Variants in EPM2A observed in about 807,000 individuals in gnomAD.
The protein encoded by EPM2A is laforin.
Under a neutral mutation model 26.5 loss-of-function variants are expected in EPM2A, and 21 were observed. That is an observed-to-expected ratio of 0.79 (90% CI 0.56 to 1.14). EPM2A has a LOEUF of 1.14. Among genes scored for constraint, EPM2A ranks in the 50% most tolerant of loss-of-function variants. The probability of loss-of-function intolerance (pLI) is 0.00; values close to 1 mark genes in which losing one functional copy is unlikely to be tolerated. For synonymous variants in EPM2A, 217 were observed against 177.6 expected (o/e 1.22, Z -1.76); for missense variants, 458 against 440.8 (o/e 1.04, Z -0.35).
At chr6:145,478,352 C>G (rs993958660) in intron 4 of EPM2A, among the ~76,000 whole-genome samples, 1 of 151,886 alleles carries the variant, frequency 6.6e-6, no homozygotes, top group Non-Finnish European at 1.5e-5. Flanking sequence ...TCCATGCTAT[C>G]CAACACAATC....
intron 1 of EPM2A, among the ~76,000 whole-genome samples, chr6:145,731,165 G>T (rs943917074): frequency 2.6e-5 from 4 of 151,886 alleles, no homozygotes; most frequent in Non-Finnish European, 5.9e-5. Context: ...CAATGATAAC[G>T]ATCTTAAGCC....
At chr6:145,528,419 G>C (rs1253119415) in intron 2 of EPM2A, among the ~76,000 whole-genome samples, 1 of 152,106 alleles carries the variant, frequency 6.6e-6, no homozygotes, top group Non-Finnish European at 1.5e-5. Flanking sequence ...AATGAAGTTG[G>C]TGATTTTGAA....
intron 2 of EPM2A, among the ~76,000 whole-genome samples, chr6:145,599,596 G>A (rs6570699): frequency 0.61 from 92,468 of 151,476 alleles, 30,771 homozygotes; most frequent in African/African-American, 0.9. Flanking sequence ...TAAAAATATT[G>A]GTTATAATTC....
chr6:145,419,727 C>CTAACAGAAAAAATTTTGAGGAGTT (rs1314119658), intron 4 of EPM2A, among the ~76,000 whole-genome samples: 120 of 152,106 alleles, frequency 7.9e-4, no homozygotes, highest in African/African-American at 2.7e-3. Context: ...CATTCAGTGT[C>CTAACAGAAAAAATTTTGAGGAGTT]TAACAGAAAA....
chr6:145,703,256 TA>T, intron 1 of EPM2A, among the ~76,000 whole-genome samples: 1 of 152,186 alleles, frequency 6.6e-6, no homozygotes, highest in South Asian at 2.1e-4. Context: ...CACGCCCAGC[TA>T]ATTTTCTGTA....
chr6:145,732,243 C>T (rs1336173143), intron 1 of EPM2A, among the ~76,000 whole-genome samples: 1 of 85,068 alleles, frequency 1.2e-5, no homozygotes, highest in Admixed American at 1.2e-4. Context: ...GTGTGCGCGC[C>T]AAAGTAAGGA....
chr6:145,622,494 C>A (rs1257063684), downstream of EPM2A, among the ~76,000 whole-genome samples: 1 of 152,130 alleles, frequency 6.6e-6, no homozygotes, highest in Non-Finnish European at 1.5e-5. Flanking sequence ...ATCAGGTGAT[C>A]ACAGATATAA....
chr6:145,470,887 G>A (rs1241728969), intron 4 of EPM2A, among the ~76,000 whole-genome samples: 1 of 152,124 alleles, frequency 6.6e-6, no homozygotes, highest in Non-Finnish European at 1.5e-5. Flanking sequence ...ATGTCTTAAA[G>A]CAATAATTAT....
At chr6:145,436,265 G>A (rs2114696225) in intron 4 of EPM2A, among the ~76,000 whole-genome samples, 1 of 152,294 alleles carries the variant, frequency 6.6e-6, no homozygotes, top group East Asian at 1.9e-4. Context: ...TATTTGGGTT[G>A]CTACTGCTTC....
At chr6:145,428,561 A>G (rs142215937) in intron 4 of EPM2A, among the ~76,000 whole-genome samples, 1 of 152,358 alleles carries the variant, frequency 6.6e-6, no homozygotes, top group East Asian at 1.9e-4. Flanking sequence ...AAAGGATACA[A>G]TTATCCATAT....
intron 1 of EPM2A, among the ~76,000 whole-genome samples, chr6:145,692,278 T>A (rs915425801): frequency 2.0e-5 from 3 of 151,888 alleles, no homozygotes; most frequent in African/African-American, 7.2e-5. Flanking sequence ...GTTTAAGACC[T>A]CAACACCTCA....
intron 4 of EPM2A, among the ~76,000 whole-genome samples, chr6:145,388,181 G>C (rs1778288465): frequency 6.6e-6 from 1 of 152,142 alleles, no homozygotes; most frequent in Non-Finnish European, 1.5e-5. Flanking sequence ...TTGATATACT[G>C]TTCTCTTTAT....
intron 4 of EPM2A, among the ~76,000 whole-genome samples, chr6:145,434,264 C>T (rs6929187): frequency 0.79 from 118,875 of 150,336 alleles, 47,109 homozygotes; most frequent in East Asian, 0.91. Flanking sequence ...ATCTCTCTCT[C>T]TCTTTTTTTT....
intron 1 of EPM2A, among the ~76,000 whole-genome samples, chr6:145,715,405 G>A (rs1038782615): frequency 6.6e-6 from 1 of 152,168 alleles, no homozygotes; most frequent in Admixed American, 6.6e-5. Flanking sequence ...ACAAACACAG[G>A]AAGAACATGC....
At chr6:145,549,462 G>A (rs910490037) in intron 2 of EPM2A, among the ~76,000 whole-genome samples, 1 of 152,186 alleles carries the variant, frequency 6.6e-6, no homozygotes, top group East Asian at 1.9e-4. Context: ...GCCTCTAGAC[G>A]CAAGTAATTG....
chr6:145,669,748 T>C (rs1194287034), intron 2 of EPM2A, among the ~76,000 whole-genome samples: 2 of 152,198 alleles, frequency 1.3e-5, no homozygotes, highest in African/African-American at 2.4e-5. Flanking sequence ...TCTGTATTTG[T>C]TATAAGAAAG....
chr6:145,414,572 A>C (rs1368652429), intron 4 of EPM2A, among the ~76,000 whole-genome samples: 1 of 152,096 alleles, frequency 6.6e-6, no homozygotes, highest in Non-Finnish European at 1.5e-5. Flanking sequence ...TGAAATATTA[A>C]GAGGAATGCT....
chr6:145,440,840 G>A (rs1015146398), intron 4 of EPM2A, among the ~76,000 whole-genome samples: 12 of 152,326 alleles, frequency 7.9e-5, no homozygotes, highest in African/African-American at 2.9e-4. Context: ...GGCCTTGCAG[G>A]GGACAGCCCT....
chr6:145,413,225 C>A lies in EPM2A; in HGVS notation c.556-29128G>T, dbSNP rs184929286. Among the ~76,000 whole-genome samples the A allele has an allele frequency of 7.4e-4, 112 of 152,222 alleles. 1 individual carries two copies. The highest frequency in any genetic ancestry group is 6.2e-3 in the Admixed American group (94 of 15,278). Reference sequence around the variant, plus strand: ...ATGTCTACAGGGAGGTCTTGAAAGTCGTGGAGAAACTTCGTAAAAATGTAG... The same window carrying A: ...ATGTCTACAGGGAGGTCTTGAAAGTAGTGGAGAAACTTCGTAAAAATGTAG... On this transcript the variant is annotated intron_variant, in intron 4 of 4. Transcript: ENST00000638717.
Sources: allele counts gnomAD v4.1 joint callset (sites outside exome capture counted in the v4.1 genomes callset), GRCh38; gene constraint gnomAD v4.1.1; transcripts MANE v1.5; gene names NCBI Gene and HGNC (gene_info 2026-07-23, HGNC 2026-07-21).